GOSR2: variants seen among roughly 807,000 people sequenced by gnomAD.
GOSR2 encodes 27 kDa Golgi SNARE protein.
In GOSR2, 20 loss-of-function variants were observed where a neutral mutation model predicts 27.9. The ratio of observed to expected loss-of-function variants is 0.72; its 90% CI spans 0.50 to 1.04. GOSR2 has a LOEUF of 1.04. Ranked by LOEUF, GOSR2 falls within the 50% of genes least tolerant of loss-of-function variation. GOSR2 has a pLI of 0.00. For missense variants in GOSR2, 261 were observed against 270.5 expected, an observed-to-expected ratio of 0.97 and a Z score of 0.25; for synonymous variants, 91 against 98.8, an observed-to-expected ratio of 0.92 and a Z score of 0.47.
downstream of GOSR2, chr17:46,968,743 C>G (rs2091361615): frequency 6.6e-6 from 1 of 152,518 alleles, no homozygotes. Context: ...CTTCAGGACA[C>G]AAACAGAAAG....
intron 6 of GOSR2, among the ~76,000 whole-genome samples, chr17:46,949,556 C>T (rs2147209449): frequency 6.6e-6 from 1 of 152,152 alleles, no homozygotes; most frequent in East Asian, 1.9e-4. Context: ...GGTGGGTGGC[C>T]ATCTTTGGAG....
At chr17:46,966,168 A>G (rs2091312183) in intron 6 of GOSR2, among the ~76,000 whole-genome samples, 1 of 152,246 alleles carries the variant, frequency 6.6e-6, no homozygotes, top group African/African-American at 2.4e-5. Context: ...ACCACAGAGT[A>G]AGAAGTGCTC....
rs2089115127 is a variant in GOSR2 at position 46,940,492 on chromosome 17, G to A, written c.*1732G>A. Reference sequence around the variant, plus strand: ...CTGCGGTGCCAGGGACCTAGCGCAGGACTTTTGGTAATCCATAAAATGGAT... The same window carrying A: ...CTGCGGTGCCAGGGACCTAGCGCAGAACTTTTGGTAATCCATAAAATGGAT... On this transcript the variant is annotated 3_prime_UTR_variant, in exon 6 of 6. Coordinates refer to ENST00000640051, the MANE Select transcript of GOSR2 (RefSeq NM_004287.5). 6.2e-7 allele frequency: 1 copy of A among 1,613,408 alleles called. No individual in the cohort carries two copies. Among genetic ancestry groups the A allele is most frequent in the South Asian group, 1.1e-5 (1 of 91,082 alleles).
downstream of GOSR2, among the ~76,000 whole-genome samples, chr17:46,969,580 C>T (rs982563225): frequency 3.9e-5 from 6 of 152,340 alleles, no homozygotes; most frequent in African/African-American, 1.4e-4. Context: ...TGGGACCAGC[C>T]TCTGTCCTGA....
Position 46,923,589 on chromosome 17 carries a change from CG to C in GOSR2, c.29+370del, listed in dbSNP as rs1213485917. The C allele has an allele frequency of 3.8e-5, 49 of 1,285,262 alleles. 1 individual carries two copies. Among genetic ancestry groups the C allele is most frequent in the Non-Finnish European group, 4.6e-5 (47 of 1,018,832 alleles). 79.6% of individuals were successfully genotyped at this position (1,285,262 alleles called of 1,614,324 possible). A position where few individuals can be genotyped will look rare whatever the true frequency, so the allele number is the denominator to read the frequency against. On this transcript the variant is annotated intron_variant, in intron 1 of 5. Coordinates refer to ENST00000640051, the MANE Select transcript of GOSR2 (RefSeq NM_004287.5). ...GAGAGGAGACACGGAGTAGGAGACACGGCCCCTGGCCGTAGGAGTGTACTGT... is the reference window on the plus strand; with the variant it reads ...GAGAGGAGACACGGAGTAGGAGACACGCCCCTGGCCGTAGGAGTGTACTGT...
intron 6 of GOSR2, chr17:46,948,440 T>C (rs1489398024): frequency 1.3e-5 from 2 of 152,244 alleles, no homozygotes; most frequent in African/African-American, 4.8e-5. Context: ...TATTTGCCAG[T>C]CAGACTTTAT....
intron 6 of GOSR2, among the ~76,000 whole-genome samples, chr17:46,965,618 A>G (rs958848395): frequency 4.3e-4 from 25 of 57,528 alleles, no homozygotes; most frequent in African/African-American, 1.2e-3. Flanking sequence ...CAGCAATGCT[A>G]TGCCTTCTCT....
In GOSR2 at chr17:46,941,476, G is replaced by A. The variant is rs2089268238; in HGVS notation, c.*2716G>A. ...TGCTCCATGGCCAGGGGCTGGGCTG[G>A]CTGCTTCAGAAGCAGTGGGGAAGCT... is the stretch of plus-strand genomic sequence containing the variant. On this transcript the variant is annotated 3_prime_UTR_variant, in exon 6 of 6. Transcript: ENST00000640051. 4.1e-6 allele frequency: 4 copies of A among 973,486 alleles called. No homozygotes were observed. Among genetic ancestry groups the A allele is most frequent in the South Asian group, 4.8e-5 (1 of 21,022 alleles). The allele number at this position is 973,486 out of a possible 1,614,324, so 60.3% of individuals were successfully genotyped here.
chr17:46,968,439 G>T (rs760019238), downstream of GOSR2, among the ~76,000 whole-genome samples: 3 of 152,204 alleles, frequency 2.0e-5, no homozygotes, highest in Non-Finnish European at 4.4e-5. Context: ...TGCCTGGGGT[G>T]TCCCTCCATG....
At chr17:46,942,905 G>A (rs1211771887), downstream of GOSR2, among the ~76,000 whole-genome samples, 1 of 152,182 alleles carries the variant, frequency 6.6e-6, no homozygotes, top group Non-Finnish European at 1.5e-5. Flanking sequence ...CCCCACCATG[G>A]AGCCTCTGTG....
At position 46,941,880 on chromosome 17, in the gene GOSR2, C is replaced by T; in HGVS notation, c.*3120C>T. 2.1e-6 allele frequency: 2 copies of T among 974,242 alleles called. No homozygotes were observed. The highest frequency in any genetic ancestry group is 2.4e-6 in the Non-Finnish European group (2 of 819,820). 60.3% of individuals were successfully genotyped at this position (974,242 alleles called of 1,614,324 possible). A position where few individuals can be genotyped will look rare whatever the true frequency, so the allele number is the denominator to read the frequency against. On this transcript the variant is annotated 3_prime_UTR_variant, in exon 6 of 6. Coordinates refer to ENST00000640051, the MANE Select transcript of GOSR2 (RefSeq NM_004287.5). ...GGGTTACAGGTGTTAGCCACTGTAC[C>T]TGGCCTCTAAGGTGATTCTGATGTG...
intron 5 of GOSR2, chr17:46,936,372 C>T (rs1356720634): frequency 1.7e-5 from 17 of 985,206 alleles, no homozygotes; most frequent in South Asian, 4.7e-5. Flanking sequence ...AGTCTGGCAG[C>T]GCTGGGGCAT....
intron 6 of GOSR2, among the ~76,000 whole-genome samples, chr17:46,957,877 C>T (rs752692755): frequency 4.6e-5 from 7 of 152,106 alleles, no homozygotes; most frequent in Non-Finnish European, 4.4e-5. Flanking sequence ...TCAGGGGAAA[C>T]GGAGGCAAGG....
In GOSR2 at chr17:46,927,429, A is replaced by G. The variant is rs572217387; in HGVS notation, c.30-2091A>G. Reference sequence around the variant, plus strand: ...GTTTGTGGGTTTTGTGGGGGTGGGTAGTTTTTGGATTTTGTCTTATTTAAG... The same window carrying G: ...GTTTGTGGGTTTTGTGGGGGTGGGTGGTTTTTGGATTTTGTCTTATTTAAG... On this transcript the variant is annotated intron_variant, in intron 1 of 5. Transcript: ENST00000640051. 1.3e-4 allele frequency among the ~76,000 whole-genome samples: 19 copies of G among 151,988 alleles called. 1 individual carries two copies. In the East Asian group the frequency reaches 3.5e-3, roughly 28 times the overall value.
intron 6 of GOSR2, among the ~76,000 whole-genome samples, chr17:46,961,409 T>C (rs1156556298): frequency 6.6e-6 from 1 of 152,086 alleles, no homozygotes; most frequent in Non-Finnish European, 1.5e-5. Context: ...GTGGTGTGCA[T>C]CTATCGTCCC....
At chr17:46,942,192 T>C (rs1467959062), downstream of GOSR2, among the ~76,000 whole-genome samples, 1 of 152,118 alleles carries the variant, frequency 6.6e-6, no homozygotes, top group Non-Finnish European at 1.5e-5. Flanking sequence ...GACTTTCAGC[T>C]CCAGTAGCCA....
downstream of GOSR2, among the ~76,000 whole-genome samples, chr17:46,967,480 A>C (rs1284237321): frequency 6.6e-6 from 1 of 152,222 alleles, no homozygotes; most frequent in African/African-American, 2.4e-5. Context: ...GTGAGGTTGT[A>C]CTTGAGCTTG....
rs1345998860 is a variant in GOSR2, at chr17:46,923,217, C to T, written c.25C>T (p.His9Tyr). Residue 9 changes from histidine (H) to tyrosine (Y), a missense_variant, in exon 1 of 6, where the codon CAC becomes TAC. Physicochemically the swap from His to Tyr is moderately conservative, Grantham distance 83. Coordinates refer to ENST00000640051, the MANE Select transcript of GOSR2 (RefSeq NM_004287.5). Reference sequence around the variant, plus strand: ...CATGGATCCCCTGTTCCAGCAAACGCACAAGTGAGGGCCGGTCGGGGAGCG... The same window carrying T: ...CATGGATCCCCTGTTCCAGCAAACGTACAAGTGAGGGCCGGTCGGGGAGCG... MDPLFQQT[H>Y]KQVHEIQSCM... The T allele has an allele frequency of 1.3e-6, 2 of 1,550,608 alleles. No homozygotes were observed. Among genetic ancestry groups the T allele is most frequent in the East Asian group, 4.9e-5 (2 of 40,914 alleles).
chr17:46,969,547 G>T (rs1157593700), downstream of GOSR2, among the ~76,000 whole-genome samples: 1 of 152,216 alleles, frequency 6.6e-6, no homozygotes, highest in Non-Finnish European at 1.5e-5. Flanking sequence ...ACCGTGGAAC[G>T]ATCAGGCTTC....
Sources: allele counts gnomAD v4.1 joint callset (sites outside exome capture counted in the v4.1 genomes callset), GRCh38; gene constraint gnomAD v4.1.1; transcripts MANE v1.5; gene names NCBI Gene and HGNC (gene_info 2026-07-23, HGNC 2026-07-21).